ELAVL2: variants seen among roughly 807,000 people sequenced by gnomAD.
The protein encoded by ELAVL2 is ELAV-like protein 2.
ELAVL2 carries 4 observed loss-of-function variants against 34.6 expected under a neutral mutation model. The observed-to-expected ratio is 0.12, with a 90% confidence interval of 0.06 to 0.26. The LOEUF (loss-of-function observed/expected upper bound fraction) is 0.26, where lower values mean the gene tolerates loss of function less well. Among genes scored for constraint, ELAVL2 ranks in the 10% least tolerant of loss-of-function variants. ELAVL2 has a pLI of 1.00. For synonymous variants in ELAVL2, 193 were observed against 154.8 expected (o/e 1.25, Z -1.83); for missense variants, 432 against 442.8 (o/e 0.98, Z 0.22).
At chr9:23,749,065 G>A (rs938828503) in intron 2 of ELAVL2, among the ~76,000 whole-genome samples, 6 of 151,994 alleles carry the variant, frequency 3.9e-5, no homozygotes, top group African/African-American at 7.2e-5. Context: ...TAAGGGTGAC[G>A]GCTGCATAAT....
chr9:23,819,027 T>C (rs1026551951), intron 1 of ELAVL2, among the ~76,000 whole-genome samples: 5 of 152,210 alleles, frequency 3.3e-5, no homozygotes, highest in Admixed American at 6.5e-5. Context: ...AAGGCTTTGC[T>C]GTGTCCTTAA....
chr9:23,765,489 A>C (rs1158827880), intron 1 of ELAVL2, among the ~76,000 whole-genome samples: 1 of 151,902 alleles, frequency 6.6e-6, no homozygotes, highest in Non-Finnish European at 1.5e-5. Flanking sequence ...AGTGGGAAAA[A>C]GTCATCATGC....
chr9:23,755,934 C>T (rs2053449855), intron 2 of ELAVL2, among the ~76,000 whole-genome samples: 1 of 152,120 alleles, frequency 6.6e-6, no homozygotes, highest in South Asian at 2.1e-4. Context: ...CATACAAAAT[C>T]ACATTTTCAA....
chr9:23,690,201 GAATAT>G lies in ELAVL2; in HGVS notation c.*2351_*2355del, dbSNP rs1290130741. The G allele has an allele frequency of 6.6e-6, 1 of 152,578 alleles. No homozygotes were observed. The highest frequency in any genetic ancestry group is 1.5e-5 in the Non-Finnish European group (1 of 68,016). The allele number at this position is 152,578 out of a possible 1,614,324, so 9.5% of individuals were successfully genotyped here. A position where few individuals can be genotyped will look rare whatever the true frequency, so the allele number is the denominator to read the frequency against. The stretch of plus-strand genomic sequence containing the variant: ...TGTACAGCCTCTTAAATACTCAACA[GAATAT>G]ATTTTCTATTCCAACAGATGTGAAT... On this transcript the variant is annotated 3_prime_UTR_variant, in exon 7 of 7. Transcript: ENST00000397312.
At chr9:23,823,236 TTA>T (rs2065055836) in intron 1 of ELAVL2, among the ~76,000 whole-genome samples, 1 of 152,194 alleles carries the variant, frequency 6.6e-6, no homozygotes, top group Non-Finnish European at 1.5e-5. Flanking sequence ...CAGTAAATAG[TTA>T]ATTATAATAT....
At chr9:23,739,657 C>T (rs1384297172) in intron 2 of ELAVL2, among the ~76,000 whole-genome samples, 2 of 151,268 alleles carry the variant, frequency 1.3e-5, no homozygotes, top group African/African-American at 2.4e-5. Context: ...GGCAAAGGAA[C>T]TGTATTCCTC....
chr9:23,784,030 T>TA lies in ELAVL2; in HGVS notation c.-15-21782dup, dbSNP rs905533721. Among the ~76,000 whole-genome samples the TA allele has an allele frequency of 1.1e-4, 17 of 151,480 alleles. 1 individual carries two copies. Among genetic ancestry groups the TA allele is most frequent in the Admixed American group, 3.9e-4 (6 of 15,198 alleles). Reference sequence around the variant, plus strand: ...TAACACGGTGAAACCCCGTCTCTACTAAAAAAAATACAAAAAAATTAGCCG... The same window carrying TA: ...TAACACGGTGAAACCCCGTCTCTACTAAAAAAAAATACAAAAAAATTAGCCG... On this transcript the variant is annotated intron_variant, in intron 1 of 6. Transcript: ENST00000397312.
At chr9:23,693,578 A>G (rs1435878156) in intron 5 of ELAVL2, 92 bp from the exon 6 acceptor site, 9 of 1,421,614 alleles carry the variant, frequency 6.3e-6, no homozygotes, top group Middle Eastern at 1.8e-4. Flanking sequence ...TTCCGAGGGG[A>G]TATCTGTACA....
At chr9:23,697,475 T>C (rs2035655278) in intron 5 of ELAVL2, among the ~76,000 whole-genome samples, 1 of 152,200 alleles carries the variant, frequency 6.6e-6, no homozygotes, top group Non-Finnish European at 1.5e-5. Context: ...TTAATACAGA[T>C]TGTCTCATCT....
At chr9:23,728,479 A>G (rs980084975) in intron 3 of ELAVL2, among the ~76,000 whole-genome samples, 1 of 152,096 alleles carries the variant, frequency 6.6e-6, no homozygotes, top group Non-Finnish European at 1.5e-5. Context: ...CACTGGCATC[A>G]CTCCTACAAA....
chr9:23,700,530 G>C (rs949997306), intron 5 of ELAVL2, among the ~76,000 whole-genome samples: 6 of 152,168 alleles, frequency 3.9e-5, no homozygotes, highest in African/African-American at 9.7e-5. Context: ...ACTACAGAGA[G>C]GTCAGTAAAT....
At chr9:23,740,180 C>T (rs1174369623) in intron 2 of ELAVL2, among the ~76,000 whole-genome samples, 1 of 152,190 alleles carries the variant, frequency 6.6e-6, no homozygotes, top group African/African-American at 2.4e-5. Flanking sequence ...CCCATTCCCA[C>T]TGCCCCATAA....
chr9:23,787,220 CT>C (rs2059799812), intron 1 of ELAVL2, among the ~76,000 whole-genome samples: 1 of 151,888 alleles, frequency 6.6e-6, no homozygotes, highest in South Asian at 2.1e-4. Context: ...CATTACCCCC[CT>C]GTGATCCTAA....
upstream of ELAVL2, chr9:23,829,596 T>C (rs2065434762): frequency 6.6e-6 from 1 of 152,222 alleles, no homozygotes; most frequent in East Asian, 1.9e-4. Flanking sequence ...GGAAATATGA[T>C]AGTTTAATGT....
the ELAVL2 span, among the ~76,000 whole-genome samples, chr9:23,847,998 T>C: frequency 6.6e-6 from 1 of 152,008 alleles, no homozygotes; most frequent in African/African-American, 2.4e-5. Flanking sequence ...CTGAATAAAG[T>C]TGTTTTTCTC....
At chr9:23,840,514 T>C in the ELAVL2 span, among the ~76,000 whole-genome samples, 1 of 152,192 alleles carries the variant, frequency 6.6e-6, no homozygotes, top group Non-Finnish European at 1.5e-5. Flanking sequence ...TGAGCTATTT[T>C]GGTTCCGTTA....
chr9:23,724,887 C>G (rs1170828658), intron 3 of ELAVL2, among the ~76,000 whole-genome samples: 1 of 151,178 alleles, frequency 6.6e-6, no homozygotes, highest in African/African-American at 2.4e-5. Flanking sequence ...TTTTTTTTGT[C>G]TGGATAAATA....
chr9:23,803,994 A>G (rs1013011185), intron 1 of ELAVL2, among the ~76,000 whole-genome samples: 4 of 152,162 alleles, frequency 2.6e-5, no homozygotes, highest in African/African-American at 7.2e-5. Context: ...GAATGCTAAC[A>G]AACAGCTCAT....
intron 4 of ELAVL2, among the ~76,000 whole-genome samples, chr9:23,702,711 A>G (rs1210968252): frequency 1.3e-5 from 2 of 152,034 alleles, no homozygotes; most frequent in African/African-American, 2.4e-5. Flanking sequence ...AGCCCCTATC[A>G]CTTTACCTTT....
Sources: allele counts gnomAD v4.1 joint callset (sites outside exome capture counted in the v4.1 genomes callset), GRCh38; gene constraint gnomAD v4.1.1; transcripts MANE v1.5; gene names NCBI Gene and HGNC (gene_info 2026-07-23, HGNC 2026-07-21).